Variants in FHIT observed in about 807,000 individuals in gnomAD.
FHIT encodes the protein bis(5'-adenosyl)-triphosphatase.
A neutral mutation model predicts 17.9 loss-of-function variants in FHIT; 19 were observed. The observed-to-expected ratio is 1.06, with a 90% CI of 0.74 to 1.56. The LOEUF (loss-of-function observed/expected upper bound fraction) is 1.56. FHIT is among the 40% of genes most tolerant of loss of function. The pLI is 0.00. For missense variants in FHIT, 248 were observed against 189.2 expected (o/e 1.31, Z -1.82); for synonymous variants, 81 against 69.7 (o/e 1.16, Z -0.81).
At position 60,038,780 on chromosome 3, in the gene FHIT, C is replaced by T. The variant is rs116797739; in HGVS notation, c.104-24628G>A. Among the ~76,000 whole-genome samples, 607 of 152,290 alleles carry T rather than the reference C, an allele frequency of 4.0e-3. 5 individuals carry two copies. The highest frequency in any genetic ancestry group is 0.014 in the African/African-American group (568 of 41,564). On this transcript the variant is annotated intron_variant, in intron 5 of 9. Coordinates refer to ENST00000492590, the MANE Select transcript of FHIT (RefSeq NM_002012.4). ...AAAATTAACATTCATTAAGAAACAGCTACCATGGTGCGAAACAAAGATCAC... is the reference window on the plus strand; with the variant it reads ...AAAATTAACATTCATTAAGAAACAGTTACCATGGTGCGAAACAAAGATCAC...
chr3:59,806,147 C>T (rs1700187092), intron 8 of FHIT, among the ~76,000 whole-genome samples: 1 of 151,166 alleles, frequency 6.6e-6, no homozygotes, highest in Admixed American at 6.6e-5. Flanking sequence ...CACCGCTGCA[C>T]TCCAGCCTGG....
intron 3 of FHIT, among the ~76,000 whole-genome samples, chr3:60,947,537 T>G: frequency 6.6e-6 from 1 of 152,218 alleles, no homozygotes; most frequent in Non-Finnish European, 1.5e-5. Context: ...ATTTGTTCTT[T>G]GGTATCCCAA....
intron 5 of FHIT, among the ~76,000 whole-genome samples, chr3:60,523,586 A>C (rs1386284459): frequency 6.6e-6 from 1 of 152,220 alleles, no homozygotes; most frequent in Non-Finnish European, 1.5e-5. Flanking sequence ...AAACTTGACT[A>C]AACTGAAGAA....
chr3:61,235,426 T>C (rs370310531), intron 1 of FHIT, among the ~76,000 whole-genome samples: 3 of 151,692 alleles, frequency 2.0e-5, no homozygotes, highest in East Asian at 1.9e-4. Context: ...GTAATCTAAT[T>C]TAAAAAAAAA....
At chr3:60,189,610 A>AC (rs1382424293) in intron 5 of FHIT, among the ~76,000 whole-genome samples, 2 of 152,308 alleles carry the variant, frequency 1.3e-5, no homozygotes, top group East Asian at 3.9e-4. Flanking sequence ...TGGCTTGTAA[A>AC]CACCAGCCTC....
intron 7 of FHIT, among the ~76,000 whole-genome samples, chr3:59,966,232 G>T (rs956158997): frequency 6.6e-6 from 1 of 152,112 alleles, no homozygotes; most frequent in Non-Finnish European, 1.5e-5. Context: ...ACCCAAGAGA[G>T]AAAGCACCTC....
At chr3:59,781,614 C>T (rs1702586358) in intron 8 of FHIT, among the ~76,000 whole-genome samples, 1 of 152,178 alleles carries the variant, frequency 6.6e-6, no homozygotes, top group Non-Finnish European at 1.5e-5. Flanking sequence ...AGGAAGGATT[C>T]CCAGTGGTCC....
chr3:60,544,951 T>C (rs1254933577), intron 4 of FHIT, among the ~76,000 whole-genome samples: 1 of 152,198 alleles, frequency 6.6e-6, no homozygotes, highest in Non-Finnish European at 1.5e-5. Flanking sequence ...TTTTTCTTTT[T>C]TGTTCCAAAG....
intron 4 of FHIT, among the ~76,000 whole-genome samples, chr3:60,598,059 A>G (rs2038327520): frequency 1.3e-5 from 2 of 152,126 alleles, no homozygotes; most frequent in Admixed American, 1.3e-4. Context: ...TTCATCTTGA[A>G]AGTATAAAAA....
intron 1 of FHIT, among the ~76,000 whole-genome samples, chr3:61,247,842 T>C (rs1394154424): frequency 6.6e-6 from 1 of 152,218 alleles, no homozygotes; most frequent in African/African-American, 2.4e-5. Flanking sequence ...CTCAAAGCTT[T>C]AAACACACTT....
chr3:60,187,452 C>T (rs760364337), intron 5 of FHIT, among the ~76,000 whole-genome samples: 2 of 152,116 alleles, frequency 1.3e-5, no homozygotes, highest in East Asian at 1.9e-4. Context: ...CTGGTGCCCT[C>T]GGAAGCCTTC....
At chr3:59,992,487 G>A (rs928390815) in intron 7 of FHIT, among the ~76,000 whole-genome samples, 7 of 151,986 alleles carry the variant, frequency 4.6e-5, no homozygotes, top group Admixed American at 1.3e-4. Flanking sequence ...CTTTAGAAGC[G>A]TATACCAACA....
intron 2 of FHIT, among the ~76,000 whole-genome samples, chr3:61,101,303 T>A (rs2035818457): frequency 6.6e-6 from 1 of 152,218 alleles, no homozygotes; most frequent in African/African-American, 2.4e-5. Flanking sequence ...CCCAGCACCA[T>A]TTATTAAATA....
At chr3:60,674,411 G>C (rs1553694757) in intron 4 of FHIT, among the ~76,000 whole-genome samples, 1 of 151,902 alleles carries the variant, frequency 6.6e-6, no homozygotes. Context: ...TCTATTTATT[G>C]CTTTTTTCTG....
At chr3:61,131,505 C>T (rs974472284) in intron 2 of FHIT, among the ~76,000 whole-genome samples, 18 of 152,332 alleles carry the variant, frequency 1.2e-4, no homozygotes, top group African/African-American at 4.3e-4. Flanking sequence ...ACTCTTGTAT[C>T]ATTAAACATT....
intron 7 of FHIT, among the ~76,000 whole-genome samples, chr3:59,980,209 C>G (rs1708592168): frequency 1.3e-5 from 2 of 152,130 alleles, no homozygotes; most frequent in South Asian, 4.1e-4. Context: ...ATGATCATCA[C>G]AAATTTGGGC....
chr3:60,276,501 C>G (rs917327293), intron 5 of FHIT, among the ~76,000 whole-genome samples: 2 of 152,194 alleles, frequency 1.3e-5, no homozygotes, highest in Non-Finnish European at 1.5e-5. Flanking sequence ...GGTGAGAGAA[C>G]TGGCCTCAGC....
At chr3:59,791,515 T>C (rs1192734128) in intron 8 of FHIT, among the ~76,000 whole-genome samples, 1 of 152,192 alleles carries the variant, frequency 6.6e-6, no homozygotes, top group Non-Finnish European at 1.5e-5. Context: ...ATTAGACTTT[T>C]CAGTTACATG....
At chr3:60,242,549 T>C (rs1312746954) in intron 5 of FHIT, among the ~76,000 whole-genome samples, 1 of 152,098 alleles carries the variant, frequency 6.6e-6, no homozygotes, top group Non-Finnish European at 1.5e-5. Flanking sequence ...GCTTCAACAC[T>C]TAGAACAATG....
Sources: gnomAD v4.1 joint callset for allele counts (sites outside exome capture counted in the v4.1 genomes callset) on GRCh38, gnomAD v4.1.1 for gene constraint, MANE v1.5 for transcripts, NCBI Gene and HGNC (gene_info 2026-07-23, HGNC 2026-07-21) for gene names.